Variants in RCAN2 observed in about 807,000 individuals in gnomAD.
RCAN2 encodes the protein calcipressin-2.
A neutral mutation model predicts 23.6 loss-of-function variants in RCAN2; 9 were observed. That is an observed-to-expected ratio of 0.38 (90% CI 0.23 to 0.67). The LOEUF (loss-of-function observed/expected upper bound fraction) is 0.67, where lower values mean the gene tolerates loss of function less well. Ranked by LOEUF, RCAN2 falls within the 30% of genes least tolerant of loss-of-function variation. The pLI is 0.51. For synonymous variants in RCAN2, 109 were observed against 115.7 expected (o/e 0.94, Z 0.37); for missense variants, 273 against 302.3 (o/e 0.90, Z 0.72).
intron 2 of RCAN2, among the ~76,000 whole-genome samples, chr6:46,412,786 G>A (rs1766585098): frequency 6.6e-6 from 1 of 152,162 alleles, no homozygotes; most frequent in Non-Finnish European, 1.5e-5. Context: ...CTGATGAGGA[G>A]GCAAGAGGAG....
intron 4 of RCAN2, among the ~76,000 whole-genome samples, chr6:46,236,320 T>C (rs978554184): frequency 1.3e-5 from 2 of 152,196 alleles, no homozygotes; most frequent in African/African-American, 4.8e-5. Flanking sequence ...CCACTTCCCC[T>C]TTCTCTGTCA....
rs56237510 is a variant in RCAN2, at chr6:46,354,205, CTGTGTGTGTGTGTGTG to C, written c.225+102531_225+102546del. Among the ~76,000 whole-genome samples the C allele has an allele frequency of 1.4e-3, 188 of 133,064 alleles. 2 individuals carry two copies. In the East Asian group the frequency reaches 0.027, roughly 19 times the overall value. 87.3% of individuals were successfully genotyped at this position (133,064 alleles called of 152,430 possible). A position where few individuals can be genotyped will look rare whatever the true frequency, so the allele number is the denominator to read the frequency against. ...TACATGTGTATGGTGTGTTATTTTA[CTGTGTGTGTGTGTGTG>C]TGTGTGTGTGTGTGTGTGTGTGTGT... is the stretch of plus-strand genomic sequence containing the variant. On this transcript the variant is annotated intron_variant, in intron 2 of 4. Coordinates refer to ENST00000371374, the MANE Select transcript of RCAN2 (RefSeq NM_001251974.2).
intron 2 of RCAN2, among the ~76,000 whole-genome samples, chr6:46,334,705 A>G (rs1030158759): frequency 4.6e-5 from 7 of 152,132 alleles, no homozygotes; most frequent in African/African-American, 1.7e-4. Context: ...AGACTCAGGG[A>G]CAGTGTTCAT....
chr6:46,282,398 A>G (rs569269491), intron 2 of RCAN2, among the ~76,000 whole-genome samples: 8 of 152,112 alleles, frequency 5.3e-5, no homozygotes, highest in African/African-American at 1.9e-4. Flanking sequence ...AAAAAACAAA[A>G]AATTAGCCGG....
chr6:46,423,763 G>T (rs981688176), intron 2 of RCAN2, among the ~76,000 whole-genome samples: 2 of 152,240 alleles, frequency 1.3e-5, no homozygotes, highest in East Asian at 3.9e-4. Context: ...AGATTAGACT[G>T]AACTTCCTTT....
intron 4 of RCAN2, among the ~76,000 whole-genome samples, chr6:46,233,930 T>C (rs766141167): frequency 5.3e-5 from 8 of 152,102 alleles, no homozygotes; most frequent in Non-Finnish European, 7.4e-5. Flanking sequence ...GGTTTCACCA[T>C]ATTGGCCAGA....
At chr6:46,289,002 A>T (rs557323136) in intron 2 of RCAN2, among the ~76,000 whole-genome samples, 1 of 152,320 alleles carries the variant, frequency 6.6e-6, no homozygotes, top group Admixed American at 6.5e-5. Context: ...CACATGTGAG[A>T]CTTGCCTATT....
intron 2 of RCAN2, among the ~76,000 whole-genome samples, chr6:46,354,177 A>G (rs2150379673): frequency 6.6e-6 from 1 of 151,380 alleles, no homozygotes; most frequent in Admixed American, 6.6e-5. Context: ...ACTTGCACAC[A>G]TGTACATGTG....
chr6:46,479,307 T>C (rs1768794066), intron 1 of RCAN2, among the ~76,000 whole-genome samples: 1 of 152,216 alleles, frequency 6.6e-6, no homozygotes, highest in Non-Finnish European at 1.5e-5. Context: ...ACATGGCTTT[T>C]ACTGTAATGA....
chr6:46,283,518 G>A (rs538512002), intron 2 of RCAN2, among the ~76,000 whole-genome samples: 3 of 152,210 alleles, frequency 2.0e-5, no homozygotes, highest in South Asian at 4.2e-4. Context: ...ATTAGCCAGG[G>A]CCCAGAGGAA....
chr6:46,270,476 A>G (rs981854098), intron 2 of RCAN2, among the ~76,000 whole-genome samples: 1 of 152,140 alleles, frequency 6.6e-6, no homozygotes, highest in African/African-American at 2.4e-5. Flanking sequence ...CCAGAGTCAG[A>G]CTGAGCTTCT....
chr6:46,270,994 T>C (rs575589856), intron 2 of RCAN2, among the ~76,000 whole-genome samples: 2 of 152,334 alleles, frequency 1.3e-5, no homozygotes, highest in East Asian at 1.9e-4. Context: ...AAAGACCCAA[T>C]TAAGTCATGC....
intron 2 of RCAN2, among the ~76,000 whole-genome samples, chr6:46,264,555 C>T (rs139433180): frequency 1.2e-3 from 177 of 152,158 alleles, no homozygotes; most frequent in Middle Eastern, 6.8e-3. Context: ...AATGATGAAA[C>T]CTTATATAAA....
intron 2 of RCAN2, among the ~76,000 whole-genome samples, chr6:46,310,631 T>C (rs1052335954): frequency 6.6e-6 from 1 of 152,180 alleles, no homozygotes; most frequent in Non-Finnish European, 1.5e-5. Flanking sequence ...TTCTCCATAG[T>C]ACTGGCAAAT....
intron 2 of RCAN2, among the ~76,000 whole-genome samples, chr6:46,276,267 G>A (rs1479078568): frequency 6.6e-6 from 1 of 151,972 alleles, no homozygotes; most frequent in African/African-American, 2.4e-5. Flanking sequence ...TAGAATTCTA[G>A]TGGATATTAT....
intron 2 of RCAN2, among the ~76,000 whole-genome samples, chr6:46,318,794 A>G (rs774513518): frequency 6.6e-6 from 1 of 152,218 alleles, no homozygotes; most frequent in Non-Finnish European, 1.5e-5. Flanking sequence ...ATATACATAT[A>G]TGTACACACA....
At chr6:46,346,118 A>G (rs746815447) in intron 2 of RCAN2, among the ~76,000 whole-genome samples, 1 of 152,170 alleles carries the variant, frequency 6.6e-6, no homozygotes, top group African/African-American at 2.4e-5. Flanking sequence ...ATAAAAATAT[A>G]TTCCTCTGAA....
chr6:46,479,581 A>AC (rs1554144600), intron 1 of RCAN2, among the ~76,000 whole-genome samples: 12 of 98,136 alleles, frequency 1.2e-4, no homozygotes, highest in South Asian at 3.5e-4. Flanking sequence ...GGTCTGTCTC[A>AC]CCTTTTTTTT....
At chr6:46,259,052 G>A (rs984009851) in intron 2 of RCAN2, among the ~76,000 whole-genome samples, 2 of 152,002 alleles carry the variant, frequency 1.3e-5, no homozygotes, top group African/African-American at 2.4e-5. Context: ...CTGGCACAGT[G>A]GTGCGCACCT....
Sources: gnomAD v4.1 joint callset for allele counts (sites outside exome capture counted in the v4.1 genomes callset) on GRCh38, gnomAD v4.1.1 for gene constraint, MANE v1.5 for transcripts, NCBI Gene and HGNC (gene_info 2026-07-23, HGNC 2026-07-21) for gene names.